The following SVIL variants were observed in gnomAD, a reference collection of about 807,000 sequenced individuals.
The protein encoded by SVIL is supervillin, also known as archvillin.
A neutral mutation model predicts 240.4 loss-of-function variants in SVIL; 101 were observed. The ratio of observed to expected loss-of-function variants is 0.42; its 90% CI spans 0.36 to 0.50. SVIL has a LOEUF of 0.50. SVIL is among the 20% of genes least tolerant of loss of function. The pLI is 0.01. For synonymous variants in SVIL, 999 were observed against 1,100.0 expected, an observed-to-expected ratio of 0.91 and a Z score of 1.82; for missense variants, 2,512 against 2,818.7, an observed-to-expected ratio of 0.89 and a Z score of 2.46.
chr10:29,473,949 G>A lies in SVIL; in HGVS notation c.5418C>T (p.Ala1806=), dbSNP rs760784110. ...RQKGEHSVRA[A]GKEKCVYFFW... is the part of the protein sequence containing the mutation. ...AGAAGTAGACGCACTTCTCTTTGCC[G>A]GCTGCCCTCACCGAGTGCTCTCCCT... is the stretch of plus-strand genomic sequence containing the variant. The change falls in exon 30 of 38, where the codon GCC becomes GCT. Residue 1806 remains alanine (A), a synonymous_variant. Coordinates refer to ENST00000355867, the MANE Select transcript of SVIL (RefSeq NM_021738.3). The A allele has an allele frequency of 1.5e-5, 24 of 1,613,856 alleles. No individual in the cohort carries two copies. The highest frequency in any genetic ancestry group is 2.2e-5 in the South Asian group (2 of 91,072).
At chr10:29,700,670 C>T (rs1962450718) in intron 1 of SVIL, among the ~76,000 whole-genome samples, 1 of 151,976 alleles carries the variant, frequency 6.6e-6, no homozygotes, top group Admixed American at 6.6e-5. Flanking sequence ...CGGGGTTTCA[C>T]CACTGTGTTA....
chr10:29,507,770 G>T, intron 17 of SVIL: 1 of 985,372 alleles, frequency 1.0e-6, no homozygotes, highest in Non-Finnish European at 1.2e-6. Flanking sequence ...GGTATTTATG[G>T]GCAGCAGGAA....
chr10:29,696,589 C>T (rs546415923), intron 1 of SVIL, among the ~76,000 whole-genome samples: 1 of 150,990 alleles, frequency 6.6e-6, no homozygotes. Flanking sequence ...ATGTGGGGAG[C>T]GCCTCTGCCC....
chr10:29,719,780 A>G (rs1963864216), intron 1 of SVIL, among the ~76,000 whole-genome samples: 1 of 151,974 alleles, frequency 6.6e-6, no homozygotes, highest in South Asian at 2.1e-4. Flanking sequence ...TGAAAAACAG[A>G]AAAGAAAGTT....
At chr10:29,565,639 A>G (rs1458212239) in intron 2 of SVIL, among the ~76,000 whole-genome samples, 1 of 152,006 alleles carries the variant, frequency 6.6e-6, no homozygotes, top group Non-Finnish European at 1.5e-5. Context: ...CGTTAACCCC[A>G]GCACTTTGTG....
chr10:29,522,670 C>G (rs1950639051), intron 15 of SVIL, 35 bp from the exon 16 acceptor site: 2 of 1,599,096 alleles, frequency 1.3e-6, no homozygotes, highest in African/African-American at 2.7e-5. Flanking sequence ...GCACTGAACT[C>G]CTCAGGCAAA....
intron 3 of SVIL, among the ~76,000 whole-genome samples, chr10:29,641,599 A>C (rs1349801574): frequency 6.6e-6 from 1 of 152,152 alleles, no homozygotes; most frequent in Non-Finnish European, 1.5e-5. Flanking sequence ...AAAAAATAAA[A>C]ATAAATTTGT....
intron 21 of SVIL, among the ~76,000 whole-genome samples, chr10:29,491,926 G>T (rs1338518756): frequency 2.0e-5 from 3 of 152,212 alleles, no homozygotes; most frequent in African/African-American, 7.2e-5. Context: ...ATTTTTTAAG[G>T]TAGGAAATTA....
chr10:29,493,398 A>G lies in SVIL; in HGVS notation c.3842-7T>C, dbSNP rs1217989606. The G allele has an allele frequency of 7.4e-6, 12 of 1,613,838 alleles. No homozygotes were observed. In the South Asian group the frequency reaches 1.1e-4, roughly 15 times the overall value. On this transcript the variant is annotated splice_region_variant and splice_polypyrimidine_tract_variant and intron_variant, in intron 20 of 37. Coordinates refer to ENST00000355867, the MANE Select transcript of SVIL (RefSeq NM_021738.3). Reference sequence around the variant, plus strand: ...GTTTCGTGCATCCCGCCAACTATCAACAAACAAGCAAAAGACATAAGAGTT... The same window carrying G: ...GTTTCGTGCATCCCGCCAACTATCAGCAAACAAGCAAAAGACATAAGAGTT...
intron 2 of SVIL, among the ~76,000 whole-genome samples, chr10:29,674,274 G>T (rs911795973): frequency 2.3e-4 from 35 of 152,128 alleles, no homozygotes; most frequent in African/African-American, 8.5e-4. Flanking sequence ...GGTTGAGGCT[G>T]CAGTGAGCTG....
chr10:29,518,976 G>GA (rs1480420859), intron 16 of SVIL, among the ~76,000 whole-genome samples: 1 of 152,186 alleles, frequency 6.6e-6, no homozygotes, highest in Non-Finnish European at 1.5e-5. Context: ...CTGGACAGGG[G>GA]AGAGACTGAC....
chr10:29,491,940 C>T (rs10826647), intron 21 of SVIL, among the ~76,000 whole-genome samples: 46,936 of 152,102 alleles, frequency 0.31, 7,867 homozygotes, highest in African/African-American at 0.43. Context: ...GAAATTAAAA[C>T]ATGCAAACTG....
At chr10:29,602,517 CA>C (rs1476470301) in intron 1 of SVIL, among the ~76,000 whole-genome samples, 3 of 152,160 alleles carry the variant, frequency 2.0e-5, no homozygotes, top group African/African-American at 7.2e-5. Flanking sequence ...AAAGAGAATG[CA>C]AATGTTTTTA....
intron 17 of SVIL, among the ~76,000 whole-genome samples, chr10:29,505,778 G>A (rs935559894): frequency 2.0e-5 from 3 of 152,098 alleles, no homozygotes; most frequent in African/African-American, 7.2e-5. Flanking sequence ...GGGAGGGCAG[G>A]GATGATGCAG....
rs1953283917 is a variant in SVIL at position 29,551,077 on chromosome 10, A to T, written c.347T>A (p.Leu116Gln). Residue 116 changes from leucine to glutamine, a missense_variant, in exon 6 of 38, where the codon CTG becomes CAG. This residue lies in a region of SVIL where 1,443 missense variants were observed against 1,486.6 expected (regional missense o/e 0.97). Transcript: ENST00000355867. ...CAGAGTCAGCCCATACTTCTCTGCC[A>T]GCTGTCGCCTTCTTTCTGCTTTGTA... ...ARYKAERRRQ[L>Q]AEKYGLTLDP... 6.2e-7 allele frequency: 1 copy of T among 1,614,006 alleles called. No homozygotes were observed. The highest frequency in any genetic ancestry group is 1.7e-5 in the Admixed American group (1 of 59,994).
intron 1 of SVIL, among the ~76,000 whole-genome samples, chr10:29,587,872 G>A (rs191327797): frequency 1.2e-4 from 18 of 152,328 alleles, no homozygotes; most frequent in African/African-American, 4.1e-4. Context: ...GTGGACGTCT[G>A]TATTTCCAGC....
intron 16 of SVIL, among the ~76,000 whole-genome samples, chr10:29,515,135 T>C (rs540820419): frequency 6.6e-6 from 1 of 152,348 alleles, no homozygotes; most frequent in Non-Finnish European, 1.5e-5. Context: ...AGATCTCAAG[T>C]GCTCAATCTC....
intron 3 of SVIL, among the ~76,000 whole-genome samples, chr10:29,651,414 T>C (rs1376701981): frequency 6.6e-6 from 1 of 152,162 alleles, no homozygotes; most frequent in African/African-American, 2.4e-5. Context: ...TCTCTTATCA[T>C]GGTCATGGGC....
chr10:29,576,373 T>C (rs1348993339), intron 1 of SVIL, among the ~76,000 whole-genome samples: 1 of 152,084 alleles, frequency 6.6e-6, no homozygotes, highest in Non-Finnish European at 1.5e-5. Context: ...CTCTAAGAGG[T>C]GATATTCATT....
Sources: gnomAD v4.1 joint callset for allele counts (sites outside exome capture counted in the v4.1 genomes callset) on GRCh38, gnomAD v4.1.1 for gene constraint, gnomAD v4.1.1 regional missense constraint, MANE v1.5 for transcripts, NCBI Gene and HGNC (gene_info 2026-07-23, HGNC 2026-07-21) for gene names.